Variants in RASSF3 observed in about 807,000 individuals in gnomAD.
RASSF3 encodes Ras association domain family member 3, also known as ras association domain-containing protein 3.
In RASSF3, 19 loss-of-function variants were observed where a neutral mutation model predicts 19.9. The ratio of observed to expected loss-of-function variants is 0.96; its 90% confidence interval spans 0.67 to 1.40. RASSF3 has a LOEUF of 1.40. Among genes scored for constraint, RASSF3 ranks in the 40% most tolerant of loss-of-function variants. RASSF3 has a pLI of 0.00. For synonymous variants in RASSF3, 110 were observed against 104.2 expected, an observed-to-expected ratio of 1.06 and a Z score of -0.34; for missense variants, 306 against 289.8, an observed-to-expected ratio of 1.06 and a Z score of -0.41.
chr12:64,639,059 A>G (rs749785249), intron 1 of RASSF3, among the ~76,000 whole-genome samples: 2 of 152,264 alleles, frequency 1.3e-5, no homozygotes, highest in Non-Finnish European at 2.9e-5. Context: ...TCATGTTCAT[A>G]GGCTACTGCC....
intron 2 of RASSF3, among the ~76,000 whole-genome samples, chr12:64,551,472 A>G (rs555511617): frequency 6.6e-6 from 1 of 152,154 alleles, no homozygotes; most frequent in East Asian, 1.9e-4. Flanking sequence ...GCTACTTAGG[A>G]GGCTGAGGTG....
At chr12:64,521,395 C>T (rs1310431495) in intron 1 of RASSF3, among the ~76,000 whole-genome samples, 1 of 152,134 alleles carries the variant, frequency 6.6e-6, no homozygotes, top group Non-Finnish European at 1.5e-5. Context: ...TCTTTCATCC[C>T]CTCCTGCTCT....
chr12:64,565,901 A>AG (rs1555209458), intron 2 of RASSF3, among the ~76,000 whole-genome samples: 1 of 148,390 alleles, frequency 6.7e-6, no homozygotes, highest in Non-Finnish European at 1.5e-5. Context: ...AAAAAAAAAA[A>AG]GGATAGAAGA....
chr12:64,684,165 C>T (rs1172773970), intron 1 of RASSF3, among the ~76,000 whole-genome samples: 1 of 149,840 alleles, frequency 6.7e-6, no homozygotes, highest in African/African-American at 2.5e-5. Flanking sequence ...TGGCTCACTA[C>T]AGCCTCGACC....
intron 2 of RASSF3, among the ~76,000 whole-genome samples, chr12:64,565,570 G>A (rs931499697): frequency 2.0e-5 from 3 of 152,094 alleles, no homozygotes; most frequent in Non-Finnish European, 2.9e-5. Context: ...AAAATTAGAC[G>A]GCTGCAGTGG....
intron 1 of RASSF3, among the ~76,000 whole-genome samples, chr12:64,626,852 A>C (rs1871014845): frequency 6.6e-6 from 1 of 152,260 alleles, no homozygotes; most frequent in Admixed American, 6.5e-5. Flanking sequence ...GGTGTATGCC[A>C]CCATGCTCAT....
At chr12:64,555,741 TC>T in intron 2 of RASSF3, among the ~76,000 whole-genome samples, 1 of 122,010 alleles carries the variant, frequency 8.2e-6, no homozygotes, top group East Asian at 2.4e-4. Flanking sequence ...AGAGCAAGAC[TC>T]TATCTCAAAA....
Position 64,654,508 on chromosome 12 carries a change from G to A in RASSF3, c.112-30279G>A, listed in dbSNP as rs560414332. Among the ~76,000 whole-genome samples the A allele has an allele frequency of 1.1e-4, 17 of 151,962 alleles. No homozygotes were observed. In the South Asian group the frequency reaches 3.5e-3, roughly 32 times the overall value. On this transcript the variant is annotated intron_variant, in intron 1 of 4. Coordinates refer to ENST00000542104, the MANE Select transcript of RASSF3 (RefSeq NM_178169.4). ...TAGTTAAAACTCTGTATTCCACTTAGAACTAATTCACCGTGGCTGGGCACG... is the reference window on the plus strand; with the variant it reads ...TAGTTAAAACTCTGTATTCCACTTAAAACTAATTCACCGTGGCTGGGCACG...
At chr12:64,681,784 G>A (rs1278241322) in intron 1 of RASSF3, among the ~76,000 whole-genome samples, 1 of 152,196 alleles carries the variant, frequency 6.6e-6, no homozygotes, top group African/African-American at 2.4e-5. Context: ...AGACTAAGGT[G>A]GGAGGACTGC....
intron 2 of RASSF3, among the ~76,000 whole-genome samples, chr12:64,574,934 C>T (rs570139000): frequency 6.6e-6 from 1 of 152,146 alleles, no homozygotes; most frequent in Non-Finnish European, 1.5e-5. Context: ...AGGTTATCTA[C>T]AAAAATACCT....
At chr12:64,593,929 T>G (rs1414674877) in intron 2 of RASSF3, among the ~76,000 whole-genome samples, 2 of 147,816 alleles carry the variant, frequency 1.4e-5, no homozygotes, top group East Asian at 4.1e-4. Flanking sequence ...GGAGAATCAC[T>G]TGAACCCAGG....
chr12:64,624,313 G>T (rs993226231), intron 1 of RASSF3, among the ~76,000 whole-genome samples: 1 of 151,988 alleles, frequency 6.6e-6, no homozygotes, highest in Non-Finnish European at 1.5e-5. Flanking sequence ...AGAACTATAG[G>T]CTAAAAGGGT....
At chr12:64,616,615 CAGT>C (rs529646903) in intron 1 of RASSF3, among the ~76,000 whole-genome samples, 260 of 152,358 alleles carry the variant, frequency 1.7e-3, no homozygotes, top group Non-Finnish European at 1.3e-3. Context: ...GGTGAAAAGA[CAGT>C]AGGATATATG....
intron 1 of RASSF3, among the ~76,000 whole-genome samples, chr12:64,630,659 T>C (rs976161611): frequency 1.3e-5 from 2 of 152,172 alleles, no homozygotes; most frequent in African/African-American, 4.8e-5. Context: ...GTTATTAAAA[T>C]GGAATGAAGG....
intron 1 of RASSF3, among the ~76,000 whole-genome samples, chr12:64,539,922 G>C (rs2136114234): frequency 6.6e-6 from 1 of 152,018 alleles, no homozygotes; most frequent in East Asian, 1.9e-4. Context: ...TGTTAATATA[G>C]TCTATCTGTA....
At chr12:64,628,792 C>T (rs985058406) in intron 1 of RASSF3, among the ~76,000 whole-genome samples, 1 of 152,112 alleles carries the variant, frequency 6.6e-6, no homozygotes, top group Non-Finnish European at 1.5e-5. Flanking sequence ...CCACTACACC[C>T]GGCCTGATTA....
At chr12:64,607,724 T>C (rs1487825928), upstream of RASSF3, among the ~76,000 whole-genome samples, 1 of 152,118 alleles carries the variant, frequency 6.6e-6, no homozygotes. Flanking sequence ...TGCTTCCATT[T>C]CATTATTTGA....
chr12:64,690,655 A>AC (rs1555217186), intron 3 of RASSF3, among the ~76,000 whole-genome samples: 4 of 144,934 alleles, frequency 2.8e-5, no homozygotes, highest in Non-Finnish European at 6.1e-5. Flanking sequence ...AGAAAAAAAA[A>AC]TTTTTTTTTT....
chr12:64,573,810 C>A (rs1331555505), intron 2 of RASSF3, among the ~76,000 whole-genome samples: 2 of 152,096 alleles, frequency 1.3e-5, no homozygotes, highest in East Asian at 3.9e-4. Context: ...ATTTTCTATT[C>A]ATTAGAAGCA....
Sources: allele counts gnomAD v4.1 joint callset (sites outside exome capture counted in the v4.1 genomes callset), GRCh38; gene constraint gnomAD v4.1.1; transcripts MANE v1.5; gene names NCBI Gene and HGNC (gene_info 2026-07-23, HGNC 2026-07-21).